Variants in EXT2 observed in about 807,000 individuals in gnomAD.
EXT2 encodes the protein exostosin-2.
In EXT2, 53 loss-of-function variants were observed where a neutral mutation model predicts 81.6. The observed-to-expected ratio is 0.65, with a 90% CI of 0.52 to 0.82. The LOEUF (loss-of-function observed/expected upper bound fraction) is 0.82, where lower values mean the gene tolerates loss of function less well. EXT2 is among the 40% of genes least tolerant of loss of function. The pLI, the probability that EXT2 is intolerant of heterozygous loss-of-function variation, is 0.00. For synonymous variants in EXT2, 320 were observed against 340.0 expected (o/e 0.94, Z 0.65); for missense variants, 774 against 910.2 (o/e 0.85, Z 1.93).
At chr11:44,098,262 A>G (rs1953929609) in intron 1 of EXT2, among the ~76,000 whole-genome samples, 1 of 152,154 alleles carries the variant, frequency 6.6e-6, no homozygotes, top group Non-Finnish European at 1.5e-5. Context: ...GTGCTTTGGC[A>G]TGTGAAAACT....
At chr11:44,129,520 AG>A (rs1954458738) in intron 6 of EXT2, among the ~76,000 whole-genome samples, 1 of 152,214 alleles carries the variant, frequency 6.6e-6, no homozygotes, top group Non-Finnish European at 1.5e-5. Flanking sequence ...GCTGTTTCCC[AG>A]GCATTCTTCT....
At chr11:44,219,047 C>T (rs982810660) in intron 10 of EXT2, among the ~76,000 whole-genome samples, 5 of 151,868 alleles carry the variant, frequency 3.3e-5, no homozygotes, top group African/African-American at 7.3e-5. Flanking sequence ...ATGATCTGCC[C>T]GCCTCGGCCT....
chr11:44,132,673 C>T (rs1321516458), intron 7 of EXT2, among the ~76,000 whole-genome samples: 2 of 152,202 alleles, frequency 1.3e-5, no homozygotes, highest in African/African-American at 4.8e-5. Flanking sequence ...GCTCTAGTCA[C>T]AAGGGCCACT....
intron 10 of EXT2, among the ~76,000 whole-genome samples, chr11:44,227,133 C>T (rs2135248599): frequency 6.6e-6 from 1 of 152,300 alleles, no homozygotes; most frequent in Admixed American, 6.5e-5. Context: ...CAGATGGGCA[C>T]CACCTGTTGT....
At chr11:44,105,530 G>C (rs927249930) in intron 1 of EXT2, among the ~76,000 whole-genome samples, 18 of 152,308 alleles carry the variant, frequency 1.2e-4, no homozygotes, top group African/African-American at 4.3e-4. Flanking sequence ...GATCTCAGGT[G>C]ATCTGTCTGC....
chr11:44,154,117 G>T (rs538731615), intron 7 of EXT2, among the ~76,000 whole-genome samples: 35 of 151,986 alleles, frequency 2.3e-4, no homozygotes, highest in African/African-American at 8.2e-4. Context: ...ATCCCCTCAA[G>T]CATTTATCAT....
At chr11:44,169,454 G>A (rs908854670) in intron 7 of EXT2, among the ~76,000 whole-genome samples, 10 of 151,784 alleles carry the variant, frequency 6.6e-5, no homozygotes, top group Non-Finnish European at 1.3e-4. Context: ...GCAACCTAAC[G>A]AAGAACAAAA....
chr11:44,152,629 G>A (rs763965909), intron 7 of EXT2, among the ~76,000 whole-genome samples: 5 of 152,096 alleles, frequency 3.3e-5, no homozygotes, highest in Admixed American at 6.6e-5. Flanking sequence ...GAGATTACGG[G>A]CATGAGCCAC....
rs542158465 is a variant in EXT2 at position 44,180,372 on chromosome 11, A to G, written c.1305+8630A>G. Among the ~76,000 whole-genome samples, 9 of 152,312 alleles carry G rather than the reference A, an allele frequency of 5.9e-5. No homozygotes were observed. In the East Asian group the frequency reaches 1.7e-3, roughly 29 times the overall value. ...TAGAGCTGTATAAATGTTGTTTTCAACTGAACAAAGTTGTAAACAAGGATT... is the reference window on the plus strand; with the variant it reads ...TAGAGCTGTATAAATGTTGTTTTCAGCTGAACAAAGTTGTAAACAAGGATT... On this transcript the variant is annotated intron_variant, in intron 8 of 13. Coordinates refer to ENST00000533608, the MANE Select transcript of EXT2 (RefSeq NM_207122.2).
intron 9 of EXT2, among the ~76,000 whole-genome samples, chr11:44,202,154 A>G (rs1045621254): frequency 6.6e-6 from 1 of 152,196 alleles, no homozygotes; most frequent in African/African-American, 2.4e-5. Context: ...CTATATTTCT[A>G]CCTGCACCCC....
chr11:44,201,073 T>G (rs1172147724), intron 9 of EXT2, among the ~76,000 whole-genome samples: 4 of 152,234 alleles, frequency 2.6e-5, no homozygotes, highest in Non-Finnish European at 5.9e-5. Context: ...TTTTTCAGGC[T>G]ACTTTGTATG....
chr11:44,173,809 C>T (rs146166224), intron 8 of EXT2, among the ~76,000 whole-genome samples: 2,049 of 151,946 alleles, frequency 0.013, 15 homozygotes, highest in Non-Finnish European at 0.022. Flanking sequence ...TCTTGTGATC[C>T]GCCTGCCTCG....
At chr11:44,106,926 G>A (rs937981735) in intron 1 of EXT2, among the ~76,000 whole-genome samples, 5 of 152,190 alleles carry the variant, frequency 3.3e-5, no homozygotes, top group African/African-American at 7.2e-5. Flanking sequence ...ACCGCACATG[G>A]CTGAAAACAG....
At chr11:44,153,255 T>C (rs1299765082) in intron 7 of EXT2, among the ~76,000 whole-genome samples, 1 of 152,220 alleles carries the variant, frequency 6.6e-6, no homozygotes, top group Non-Finnish European at 1.5e-5. Flanking sequence ...TTTATACTTA[T>C]TTCATTGTTT....
chr11:44,152,035 A>G (rs886945780), intron 7 of EXT2, among the ~76,000 whole-genome samples: 2 of 151,380 alleles, frequency 1.3e-5, no homozygotes, highest in African/African-American at 4.9e-5. Context: ...GTGTCTGTTC[A>G]GGTCTTTTGC....
At chr11:44,121,387 G>A (rs2135005741) in intron 4 of EXT2, among the ~76,000 whole-genome samples, 2 of 152,222 alleles carry the variant, frequency 1.3e-5, no homozygotes, top group Middle Eastern at 6.8e-3. Context: ...ATCTATTTGT[G>A]CATATTGAAA....
At position 44,244,266 on chromosome 11, in the gene EXT2, C is replaced by T. The variant is rs575302404; in HGVS notation, c.2136C>T (p.Phe712=). 4.3e-6 allele frequency: 7 copies of T among 1,614,054 alleles called. No homozygotes were observed. The Admixed American group carries it at 1.2e-4, about 27-fold the overall frequency. Residue 712 remains phenylalanine, a synonymous_variant, in exon 14 of 14, where the codon TTC becomes TTT. Coordinates refer to ENST00000533608, the MANE Select transcript of EXT2 (RefSeq NM_207122.2). The part of the protein sequence containing the change: ...KDDFPEKLKS[F]PNIGSL ...ACTTTCCTGAGAAGCTGAAGAGCTTCCCCAACATTGGCAGCTTATGAAACG... is the reference window on the plus strand; with the variant it reads ...ACTTTCCTGAGAAGCTGAAGAGCTTTCCCAACATTGGCAGCTTATGAAACG...
intron 7 of EXT2, among the ~76,000 whole-genome samples, chr11:44,168,604 A>G (rs953443017): frequency 5.9e-5 from 9 of 152,202 alleles, no homozygotes; most frequent in Admixed American, 1.3e-4. Context: ...AATAAAAAGC[A>G]TATTGTCTTC....
intron 9 of EXT2, among the ~76,000 whole-genome samples, chr11:44,203,042 G>A (rs1186958026): frequency 6.6e-6 from 1 of 152,218 alleles, no homozygotes; most frequent in African/African-American, 2.4e-5. Context: ...TCTTAGAACA[G>A]TTTATACCAT....
Sources: allele counts gnomAD v4.1 joint callset (sites outside exome capture counted in the v4.1 genomes callset), GRCh38; gene constraint gnomAD v4.1.1; transcripts MANE v1.5; gene names NCBI Gene and HGNC (gene_info 2026-07-23, HGNC 2026-07-21).